CLUH: variants seen among roughly 807,000 people sequenced by gnomAD.
CLUH encodes the protein CLUH binding protein of NUMT mRNA, also known as clustered mitochondria protein homolog.
CLUH carries 77 observed loss-of-function variants against 139.3 expected under a neutral mutation model. That is an observed-to-expected ratio of 0.55 (90% CI 0.46 to 0.67). CLUH has a LOEUF of 0.67. Among genes scored for constraint, CLUH ranks in the 30% least tolerant of loss-of-function variants. The probability of loss-of-function intolerance (pLI) is 0.00; values close to 1 mark genes in which losing one functional copy is unlikely to be tolerated. For missense variants in CLUH, 1,876 were observed against 1,875.8 expected (o/e 1.00, Z 0.00); for synonymous variants, 999 against 801.6 (o/e 1.25, Z -4.16).
rs2070039730 is a variant in CLUH at position 2,698,241 on chromosome 17, A to G, written c.1616T>C (p.Ile539Thr). The change falls in exon 10 of 26, where the codon ATC becomes ACC. Residue 539 changes from isoleucine (I) to threonine (T), a missense_variant. Physicochemically the swap from Ile to Thr is moderately conservative, Grantham distance 89. This residue lies in a region of CLUH where 1,454 missense variants were observed against 1,384.4 expected (regional missense o/e 1.05). Coordinates refer to ENST00000651024, the MANE Select transcript of CLUH (RefSeq NM_001366661.1). ...ILERDQEQSV[I>T]YGSIDFGKTV... ...CTTGCCGAAGTCGATGGAGCCGTAG[A>G]TGACGCTCTGCTCCTGGTCCCGCTC... 2 of 1,601,636 alleles carry G rather than the reference A, an allele frequency of 1.2e-6. No homozygotes were observed. The highest frequency in any genetic ancestry group is 4.5e-5 in the East Asian group (2 of 44,174).
chr17:2,694,799 TG>T, intron 16 of CLUH, 57 bp downstream of exon 16: 2 of 1,461,226 alleles, frequency 1.4e-6, no homozygotes, highest in Non-Finnish European at 9.1e-7. Flanking sequence ...TGGGAGCAGG[TG>T]GTGGCCGCCT....
At chr17:2,708,768 C>A (rs2070423707) in intron 1 of CLUH, among the ~76,000 whole-genome samples, 1 of 152,008 alleles carries the variant, frequency 6.6e-6, no homozygotes, top group Non-Finnish European at 1.5e-5. Flanking sequence ...CCCACTCCCA[C>A]TCAGCGCAGC....
In CLUH at chr17:2,694,225, C is replaced by G. The variant is rs918414187; in HGVS notation, c.2989G>C (p.Glu997Gln). The G allele has an allele frequency of 6.2e-7, 1 of 1,612,110 alleles. No individual in the cohort carries two copies. The highest frequency in any genetic ancestry group is 1.7e-5 in the Admixed American group (1 of 59,794). ...FDSRHKPAFT[E>Q]EDVLNIFPVV... ...GGGAAGATGTTGAGCACGTCCTCCT[C>G]GGTGAACGCGGGCTTGTGGCGACTG... The change falls in exon 18 of 26, where the codon GAG (glutamate) becomes CAG (glutamine). Residue 997 changes from glutamate to glutamine, a missense_variant. Physicochemically the swap from Glu to Gln is conservative, Grantham distance 29 (BLOSUM62 2). Coordinates refer to ENST00000651024, the MANE Select transcript of CLUH (RefSeq NM_001366661.1).
rs746973789 is a variant in CLUH at position 2,692,102 on chromosome 17, C to G, written c.3561-5G>C. 11 of 1,596,808 alleles carry G rather than the reference C, an allele frequency of 6.9e-6. No homozygotes were observed. The highest frequency in any genetic ancestry group is 8.5e-6 in the Non-Finnish European group (10 of 1,173,086). The stretch of plus-strand genomic sequence containing the variant: ...ACTCGGGCGACAAGGTGGTGGCTGC[C>G]GGGAGGCGCGGCGCGGGGCGAGGGA... On this transcript the variant is annotated splice_polypyrimidine_tract_variant and splice_region_variant and intron_variant, in intron 22 of 25. Coordinates refer to ENST00000651024, the MANE Select transcript of CLUH (RefSeq NM_001366661.1).
At position 2,696,482 on chromosome 17, in the gene CLUH, T is replaced by C; in HGVS notation, c.2242A>G (p.Ser748Gly). 1 of 1,594,946 alleles carries C rather than the reference T, an allele frequency of 6.3e-7. No homozygotes were observed. Among genetic ancestry groups the C allele is most frequent in the Non-Finnish European group, 8.5e-7 (1 of 1,172,682 alleles). ...AAGCGAATGTCGAAGGCGGTGCTGCTGATGGAGCCGACCGCCTTGCACGCG... is the reference window on the plus strand; with the variant it reads ...AAGCGAATGTCGAAGGCGGTGCTGCCGATGGAGCCGACCGCCTTGCACGCG... ...RNACKAVGSI[S>G]STAFDIRFNP... Residue 748 changes from serine to glycine, a missense_variant, in exon 12 of 26, where the codon AGC becomes GGC. Coordinates refer to ENST00000651024, the MANE Select transcript of CLUH (RefSeq NM_001366661.1).
intron 1 of CLUH, among the ~76,000 whole-genome samples, chr17:2,709,112 C>T (rs770078738): frequency 7.2e-5 from 11 of 152,114 alleles, no homozygotes; most frequent in Non-Finnish European, 1.3e-4. Flanking sequence ...AGCTCAAAGG[C>T]GGCAGAGAGG....
chr17:2,711,178 C>T (rs1279384385), intron 1 of CLUH: 1 of 152,264 alleles, frequency 6.6e-6, no homozygotes, highest in South Asian at 2.1e-4. Context: ...GGGGCTGTCC[C>T]GCAAACGTCG....
rs2069970592 is a variant in CLUH, at chr17:2,696,934, A to T, written c.1970T>A (p.Leu657His). 3.8e-6 allele frequency: 6 copies of T among 1,586,562 alleles called. No homozygotes were observed. The highest frequency in any genetic ancestry group is 1.3e-5 in the African/African-American group (1 of 74,314). Residue 657 changes from leucine to histidine, a missense_variant, in exon 11 of 26, where the codon CTC (leucine) becomes CAC (histidine). This residue lies in a region of CLUH where 1,454 missense variants were observed against 1,384.4 expected (regional missense o/e 1.05). Coordinates refer to ENST00000651024, the MANE Select transcript of CLUH (RefSeq NM_001366661.1). Reference sequence around the variant, plus strand: ...CTGCAAGGCGGCCAGCTTCATAAAGAGGAGGTACCTGGAGCAGAGGAAACA... The same window carrying T: ...CTGCAAGGCGGCCAGCTTCATAAAGTGGAGGTACCTGGAGCAGAGGAAACA... ...VDAFVEHRYL[L>H]FMKLAALQLM...
chr17:2,691,539 T>G (rs1013869993), intron 25 of CLUH, 70 bp downstream of exon 25: 25 of 1,477,136 alleles, frequency 1.7e-5, no homozygotes, highest in Non-Finnish European at 2.0e-5. Flanking sequence ...CCAGCCCGGG[T>G]GACAGGGCGA....
intron 5 of CLUH, 41 bp from the exon 6 acceptor site, chr17:2,701,561 T>C: frequency 6.2e-7 from 1 of 1,612,236 alleles, no homozygotes; most frequent in Non-Finnish European, 8.5e-7. Flanking sequence ...GCCTCTGGTG[T>C]GGGGCCTCCA....
Position 2,697,919 on chromosome 17 carries a change from C to T in CLUH, c.1938G>A (p.Leu646=), listed in dbSNP as rs1480097995. 2.6e-6 allele frequency: 4 copies of T among 1,525,448 alleles called. No individual in the cohort carries two copies. The African/African-American group carries it at 5.5e-5, about 21-fold the overall frequency. The allele number at this position is 1,525,448 out of a possible 1,614,324, so 94.5% of individuals were successfully genotyped here. Residue 646 remains leucine (L), a synonymous_variant, in exon 10 of 26, where the codon CTG becomes CTA. Transcript: ENST00000651024. ...ACCTGTGCTCCACGAAGGCGTCCAC[C>T]AGCTCCTGGCGCAGGCAGCAGAGCT... ...RHKLCCLRQE[L]VDAFVEHRYL...
intron 1 of CLUH, among the ~76,000 whole-genome samples, chr17:2,705,643 TTCATTCC>T (rs1458778629): frequency 6.6e-6 from 1 of 152,084 alleles, no homozygotes; most frequent in African/African-American, 2.4e-5. Context: ...CCCTCCCCCT[TTCATTCC>T]CAGAGACATT....
chr17:2,690,723 C>G lies in CLUH; in HGVS notation c.3918G>C (p.Gln1306His). 3 of 1,558,520 alleles carry G rather than the reference C, an allele frequency of 1.9e-6. No homozygotes were observed. The highest frequency in any genetic ancestry group is 1.7e-6 in the Non-Finnish European group (2 of 1,159,904). The change falls in exon 26 of 26, where the codon CAG (glutamine) becomes CAC (histidine). Residue 1306 changes from glutamine to histidine, a missense_variant. Physicochemically the swap from Gln to His is conservative, Grantham distance 24. Coordinates refer to ENST00000651024, the MANE Select transcript of CLUH (RefSeq NM_001366661.1). ...CTCTATCCCTGTTTCTGCTGGCCTC[C>G]TGGAGCTGGTGCCGCCGCGCCACCT... ...KAEVARRHQL[Q>H]EASRNRDRAE...
In CLUH at chr17:2,697,585, G is replaced by A. The variant is rs891741850; in HGVS notation, c.1961+311C>T. Among the ~76,000 whole-genome samples, 4 of 151,862 alleles carry A rather than the reference G, an allele frequency of 2.6e-5. No homozygotes were observed. The South Asian group carries it at 6.2e-4, about 24-fold the overall frequency. On this transcript the variant is annotated intron_variant, in intron 10 of 25. Transcript: ENST00000651024. The stretch of plus-strand genomic sequence containing the variant: ...CTAAACACCAGCGGCGGGGACCCCC[G>A]GTGCCCCACCTGCCCGCCCCAGCAC...
rs2069727978 is a variant in CLUH at position 2,692,392 on chromosome 17, G to C, written c.3529C>G (p.His1177Asp). Residue 1177 changes from histidine to aspartate, a missense_variant, in exon 22 of 26, where the codon CAC becomes GAC. Physicochemically the swap from His to Asp is moderately conservative, Grantham distance 81. Around this residue, in one of 3 missense-constraint regions of CLUH, gnomAD observed 1,454 missense variants for 1,384.4 expected, o/e 1.05. Transcript: ENST00000651024. ...ENALAVSTKY[H>D]GPKALKVALS... ...GCCACCTTGAGGGCCTTGGGCCCGT[G>C]GTACTTGGTGCTGACGGCCAGCGCG... The C allele has an allele frequency of 1.9e-6, 3 of 1,594,432 alleles. 1 individual carries two copies. Among genetic ancestry groups the C allele is most frequent in the South Asian group, 2.2e-5 (2 of 90,014 alleles).
intron 9 of CLUH, among the ~76,000 whole-genome samples, chr17:2,699,724 T>C (rs537079259): frequency 7.0e-4 from 106 of 151,838 alleles, no homozygotes; most frequent in African/African-American, 2.4e-3. Context: ...CTCCGCCTAT[T>C]GGGTTCAAGC....
Position 2,694,924 on chromosome 17 carries a change from T to C in CLUH, c.2785A>G (p.Thr929Ala), listed in dbSNP as rs868193862. Residue 929 changes from threonine (T) to alanine (A), a missense_variant, in exon 16 of 26, where the codon ACC becomes GCC. Thr to Ala is a moderately conservative substitution (Grantham distance 58). This residue lies in a region of CLUH where 1,454 missense variants were observed against 1,384.4 expected (regional missense o/e 1.05). Coordinates refer to ENST00000651024, the MANE Select transcript of CLUH (RefSeq NM_001366661.1). ...ATGTTCTTCCAGAGCTCCTGGGGGG[T>C]CATGACAGCCCAGGCTGTGTTATCT... is the stretch of plus-strand genomic sequence containing the variant. ...AADNTAWAVMTPQELWKNICQ... is the reference protein window; with the variant it reads ...AADNTAWAVMAPQELWKNICQ... 6.6e-7 allele frequency: 1 copy of C among 1,518,282 alleles called. No homozygotes were observed. The highest frequency in any genetic ancestry group is 1.8e-5 in the Admixed American group (1 of 55,424). 94.1% of individuals were successfully genotyped at this position (1,518,282 alleles called of 1,614,324 possible).
chr17:2,708,838 C>G (rs564227735), intron 1 of CLUH, among the ~76,000 whole-genome samples: 1 of 141,860 alleles, frequency 7.0e-6, no homozygotes, highest in African/African-American at 2.7e-5. Context: ...CCTGCCTCCT[C>G]GTCCAGGCCT....
rs1394995209 is a variant in CLUH at position 2,703,519 on chromosome 17, TGA to T, written c.304-32_304-31del. On this transcript the variant is annotated intron_variant, in intron 2 of 25. Transcript: ENST00000651024. The surrounding 1 kb of genome is among the most constrained non-coding windows in gnomAD (Gnocchi z 4.2). ...AGGGAGAAGGCCCCGCCCACCCCGG[TGA>T]GAGAGCACGTAGCGGGGAGAGAAGG... 2.5e-6 allele frequency: 4 copies of T among 1,604,966 alleles called. No individual in the cohort carries two copies. Among genetic ancestry groups the T allele is most frequent in the Non-Finnish European group, 3.4e-6 (4 of 1,174,724 alleles).
Sources: allele counts gnomAD v4.1 joint callset (sites outside exome capture counted in the v4.1 genomes callset), GRCh38; gene constraint gnomAD v4.1.1; regional missense constraint gnomAD v4.1.1; non-coding constraint Gnocchi (gnomAD v3.1); transcripts MANE v1.5; gene names NCBI Gene and HGNC (gene_info 2026-07-23, HGNC 2026-07-21).